Variants in RHBDD1 observed in about 807,000 individuals in gnomAD.
RHBDD1 encodes the protein rhomboid-related protein 4.
In RHBDD1, 38 loss-of-function variants were observed where a neutral mutation model predicts 36.3. The ratio of observed to expected loss-of-function variants is 1.05; its 90% CI spans 0.81 to 1.37. The LOEUF (loss-of-function observed/expected upper bound fraction) is 1.37, where lower values mean the gene tolerates loss of function less well. Ranked by LOEUF, RHBDD1 falls within the 40% of genes most tolerant of loss-of-function variation. RHBDD1 has a pLI of 0.00. For synonymous variants in RHBDD1, 151 were observed against 136.5 expected (o/e 1.11, Z -0.74); for missense variants, 393 against 377.6 (o/e 1.04, Z -0.34).
At chr2:226,861,863 G>A (rs1232393816) in intron 3 of RHBDD1, among the ~76,000 whole-genome samples, 1 of 152,186 alleles carries the variant, frequency 6.6e-6, no homozygotes, top group Non-Finnish European at 1.5e-5. Flanking sequence ...TTATGTGGGA[G>A]CATTTCAGTT....
chr2:226,854,798 A>T (rs1261182784), intron 3 of RHBDD1, among the ~76,000 whole-genome samples: 2 of 152,158 alleles, frequency 1.3e-5, no homozygotes, highest in African/African-American at 4.8e-5. Flanking sequence ...TGTTTTAACC[A>T]TGAATATAGA....
chr2:226,972,219 G>T (rs544967068), intron 8 of RHBDD1, among the ~76,000 whole-genome samples: 42 of 152,232 alleles, frequency 2.8e-4, no homozygotes, highest in African/African-American at 1.0e-3. Context: ...GAGAATGATG[G>T]CTTCCAGCTT....
At chr2:226,986,657 C>T (rs1319805819) in intron 8 of RHBDD1, among the ~76,000 whole-genome samples, 1 of 152,044 alleles carries the variant, frequency 6.6e-6, no homozygotes, top group Non-Finnish European at 1.5e-5. Flanking sequence ...GTTAGAATAG[C>T]GATCACTAAA....
chr2:226,847,969 A>G (rs1234769075), intron 3 of RHBDD1, among the ~76,000 whole-genome samples: 1 of 152,242 alleles, frequency 6.6e-6, no homozygotes, highest in Non-Finnish European at 1.5e-5. Context: ...AATCCTAGCC[A>G]GCCAGATGCC....
intron 8 of RHBDD1, 115 bp downstream of exon 8, chr2:226,914,466 A>G (rs763077483): frequency 5.8e-6 from 7 of 1,210,318 alleles, no homozygotes; most frequent in African/African-American, 1.5e-5. Context: ...AAGGATATGT[A>G]GATGAAAACT....
At chr2:226,956,266 A>C (rs1376305852) in intron 8 of RHBDD1, among the ~76,000 whole-genome samples, 1 of 152,160 alleles carries the variant, frequency 6.6e-6, no homozygotes, top group Non-Finnish European at 1.5e-5. Context: ...TGAGGCGCGC[A>C]GTCCCACTCT....
intron 3 of RHBDD1, among the ~76,000 whole-genome samples, chr2:226,854,239 C>A (rs1182426362): frequency 1.3e-5 from 2 of 151,984 alleles, no homozygotes; most frequent in Non-Finnish European, 2.9e-5. Flanking sequence ...TGAGGTGGTC[C>A]TTATTATTAT....
At chr2:226,886,766 A>C (rs1277089962) in intron 5 of RHBDD1, among the ~76,000 whole-genome samples, 1 of 152,192 alleles carries the variant, frequency 6.6e-6, no homozygotes, top group East Asian at 1.9e-4. Flanking sequence ...TTAGACATAA[A>C]CATTGAGAAT....
chr2:226,822,855 G>A, the RHBDD1 span, among the ~76,000 whole-genome samples: 1 of 152,056 alleles, frequency 6.6e-6, no homozygotes, highest in Non-Finnish European at 1.5e-5. Context: ...GCCAGGCGCG[G>A]AGGCTTACAA....
intron 3 of RHBDD1, among the ~76,000 whole-genome samples, chr2:226,841,947 C>T (rs898533532): frequency 2.6e-5 from 4 of 152,128 alleles, no homozygotes; most frequent in African/African-American, 4.8e-5. Context: ...CCTGCAACCT[C>T]GCCAGCATGT....
At chr2:226,948,057 C>G (rs1951117493) in intron 8 of RHBDD1, among the ~76,000 whole-genome samples, 1 of 151,842 alleles carries the variant, frequency 6.6e-6, no homozygotes, top group Non-Finnish European at 1.5e-5. Context: ...CCCAGCCATC[C>G]CATTACTGGG....
chr2:226,863,671 A>G (rs1944060450), intron 3 of RHBDD1, among the ~76,000 whole-genome samples: 2 of 152,186 alleles, frequency 1.3e-5, no homozygotes, highest in South Asian at 4.1e-4. Flanking sequence ...AGGCTGGCCT[A>G]AAGTTTTCAC....
chr2:226,816,906 C>A, the RHBDD1 span, among the ~76,000 whole-genome samples: 1 of 139,712 alleles, frequency 7.2e-6, no homozygotes, highest in East Asian at 2.5e-4. Flanking sequence ...AAAAACCACA[C>A]ACACACGTCT....
the RHBDD1 span, among the ~76,000 whole-genome samples, chr2:226,816,331 C>T: frequency 7.4e-6 from 1 of 135,098 alleles, no homozygotes; most frequent in Non-Finnish European, 1.5e-5. Context: ...ATATTCTGAA[C>T]TGCAAACCTG....
At chr2:226,818,152 A>ATT in the RHBDD1 span, among the ~76,000 whole-genome samples, 1,389 of 86,178 alleles carry the variant, frequency 0.016, 16 homozygotes, top group Non-Finnish European at 0.023. Flanking sequence ...TCCAAACAGT[A>ATT]TTTTTTTTTT....
the RHBDD1 span, among the ~76,000 whole-genome samples, chr2:226,802,522 G>C: frequency 9.2e-5 from 14 of 152,298 alleles, no homozygotes; most frequent in Admixed American, 7.8e-4. Context: ...AAAGAGACGC[G>C]TTTGTGGGAA....
chr2:226,955,868 A>G (rs1210933358), intron 8 of RHBDD1, among the ~76,000 whole-genome samples: 2 of 152,138 alleles, frequency 1.3e-5, no homozygotes, highest in Non-Finnish European at 2.9e-5. Flanking sequence ...GAATCTCCAA[A>G]TACAGTCACA....
intron 8 of RHBDD1, among the ~76,000 whole-genome samples, chr2:226,941,025 CA>C (rs1477157136): frequency 6.9e-6 from 1 of 144,176 alleles, no homozygotes; most frequent in Non-Finnish European, 1.5e-5. Flanking sequence ...CGGCTCACTG[CA>C]ACCTCCACCT....
chr2:226,928,285 G>C (rs1285794670), intron 8 of RHBDD1, among the ~76,000 whole-genome samples: 1 of 151,986 alleles, frequency 6.6e-6, no homozygotes, highest in African/African-American at 2.4e-5. Context: ...TAAAAAACTT[G>C]AAGTCATATC....
Sources: gnomAD v4.1 joint callset for allele counts (sites outside exome capture counted in the v4.1 genomes callset) on GRCh38, gnomAD v4.1.1 for gene constraint, MANE v1.5 for transcripts, NCBI Gene and HGNC (gene_info 2026-07-23, HGNC 2026-07-21) for gene names.